Variants in UGT1A6 observed in about 807,000 individuals in gnomAD.
The protein encoded by UGT1A6 is UDP glucuronosyltransferase family 1 member A6.
In UGT1A6, 32 loss-of-function variants were observed where a neutral mutation model predicts 44.4. The observed-to-expected ratio is 0.72, with a 90% CI of 0.54 to 0.97. The LOEUF is 0.97. UGT1A6 is among the 50% of genes least tolerant of loss of function. The pLI is 0.00. For missense variants in UGT1A6, 685 were observed against 661.9 expected (o/e 1.03, Z -0.38); for synonymous variants, 238 against 248.5 (o/e 0.96, Z 0.40).
upstream of UGT1A6, chr2:233,692,731 C>A: frequency 1.1e-6 from 1 of 943,774 alleles, no homozygotes; most frequent in Non-Finnish European, 1.4e-6. Context: ...TATAACTTTT[C>A]AGAGAGGGAG....
intron 1 of UGT1A6, among the ~76,000 whole-genome samples, chr2:233,695,107 C>T (rs941691893): frequency 3.3e-5 from 5 of 150,048 alleles, no homozygotes; most frequent in African/African-American, 1.2e-4. Flanking sequence ...GTTTTTGTGC[C>T]CATTAACCAA....
chr2:233,736,156 G>A (rs1226019844), intron 1 of UGT1A6, among the ~76,000 whole-genome samples: 4 of 152,192 alleles, frequency 2.6e-5, no homozygotes, highest in East Asian at 1.9e-4. Context: ...CCAGTCAAAC[G>A]TAGATTTGGT....
intron 1 of UGT1A6, among the ~76,000 whole-genome samples, chr2:233,696,822 T>C (rs527873839): frequency 1.6e-4 from 24 of 152,304 alleles, no homozygotes; most frequent in African/African-American, 5.8e-4. Context: ...TTATTGAGAG[T>C]GTGTATCATA....
chr2:233,717,184 T>G (rs1236730642), intron 1 of UGT1A6, among the ~76,000 whole-genome samples: 1 of 152,144 alleles, frequency 6.6e-6, no homozygotes. Context: ...AAGAGCACCC[T>G]CCCAGGCATG....
intron 1 of UGT1A6, among the ~76,000 whole-genome samples, chr2:233,711,944 G>A (rs1242729453): frequency 1.3e-5 from 2 of 152,214 alleles, no homozygotes; most frequent in East Asian, 1.9e-4. Flanking sequence ...AAAGGCACAC[G>A]TTTAATTCTC....
At chr2:233,740,156 C>A (rs578012287) in intron 1 of UGT1A6, among the ~76,000 whole-genome samples, 33 of 151,986 alleles carry the variant, frequency 2.2e-4, no homozygotes, top group Non-Finnish European at 3.7e-4. Flanking sequence ...GAGGCCTCCC[C>A]AGTCATGTGG....
rs1377408060 is a variant in UGT1A6, at chr2:233,769,430, CTCA to C, written c.1301+993_1301+995del. Reference sequence around the variant, plus strand: ...GTGTGCGTTTGTGCATGTGGCTGTGCTCATGTGTGGGTGCACACGTGTGCATTC... The same window carrying C: ...GTGTGCGTTTGTGCATGTGGCTGTGCTGTGTGGGTGCACACGTGTGCATTC... On this transcript the variant is annotated intron_variant, in intron 4 of 4. Transcript: ENST00000305139. This position sits in a 1 kb window ranked among gnomAD's most constrained non-coding sequence, Gnocchi z 4.4. 42 of 1,537,292 alleles carry C rather than the reference CTCA, an allele frequency of 2.7e-5. No homozygotes were observed. The highest frequency in any genetic ancestry group is 3.7e-5 in the Non-Finnish European group (41 of 1,118,590).
rs949471199 is a variant in UGT1A6, at chr2:233,747,414, C to T, written c.862-19620C>T. Reference sequence around the variant, plus strand: ...GGTCCTCACCCCAGAGGTGAATATGCACATCAAACAAGAGAAATTTTTCAC... The same window carrying T: ...GGTCCTCACCCCAGAGGTGAATATGTACATCAAACAAGAGAAATTTTTCAC... On this transcript the variant is annotated intron_variant, in intron 1 of 4. Transcript: ENST00000305139. 5.6e-6 allele frequency: 9 copies of T among 1,606,904 alleles called. No individual in the cohort carries two copies. In the Admixed American group the frequency reaches 6.7e-5, roughly 12 times the overall value.
chr2:233,772,615 T>C lies in UGT1A6; in HGVS notation c.*56T>C. ...AACCATTCCCTAGTCATTTCCAAAC[T>C]TGAAAACAGAATCAGTGTTAAATTC... On this transcript the variant is annotated 3_prime_UTR_variant, in exon 5 of 5. Coordinates refer to ENST00000305139, the MANE Select transcript of UGT1A6 (RefSeq NM_001072.4). 6.3e-7 allele frequency: 1 copy of C among 1,574,876 alleles called. No individual in the cohort carries two copies. The highest frequency in any genetic ancestry group is 8.6e-7 in the Non-Finnish European group (1 of 1,159,332).
At chr2:233,747,568 A>G in intron 1 of UGT1A6, 5 of 1,592,710 alleles carry the variant, frequency 3.1e-6, no homozygotes, top group Non-Finnish European at 3.4e-6. Flanking sequence ...ATTTTGAAAA[A>G]TTCATCTTTG....
chr2:233,770,652 C>T (rs985386042), intron 4 of UGT1A6: 7 of 150,004 alleles, frequency 4.7e-5, no homozygotes, highest in Non-Finnish European at 1.0e-4. Context: ...AGTGAGACTC[C>T]GTCTTACTTA....
rs78297396 is a variant in UGT1A6, at chr2:233,715,433, T to C, written c.861+21568T>C. 9.7e-3 allele frequency among the ~76,000 whole-genome samples: 1,478 copies of C among 152,296 alleles called. 34 individuals carry two copies. Among genetic ancestry groups the C allele is most frequent in the African/African-American group, 0.033 (1,382 of 41,550 alleles). The stretch of plus-strand genomic sequence containing the variant: ...AATACATTTTATCTGATATCAGTAA[T>C]GTGACTCCTATGTTATTTTTTGAAT... On this transcript the variant is annotated intron_variant, in intron 1 of 4. Coordinates refer to ENST00000305139, the MANE Select transcript of UGT1A6 (RefSeq NM_001072.4).
intron 1 of UGT1A6, chr2:233,747,471 G>T (rs1218539477): frequency 6.2e-7 from 1 of 1,608,714 alleles, no homozygotes; most frequent in African/African-American, 1.3e-5. Flanking sequence ...ATGGACCCAG[G>T]ATGAATTTGA....
intron 1 of UGT1A6, among the ~76,000 whole-genome samples, chr2:233,694,903 AC>A (rs1197699388): frequency 6.6e-6 from 1 of 152,248 alleles, no homozygotes; most frequent in Admixed American, 6.5e-5. Context: ...ATATTTTGAT[AC>A]ACGTATACAA....
chr2:233,726,612 G>T (rs540444142), intron 1 of UGT1A6, among the ~76,000 whole-genome samples: 42 of 152,220 alleles, frequency 2.8e-4, no homozygotes, highest in African/African-American at 9.9e-4. Context: ...ACACTGTCCT[G>T]CCCAGATACC....
At chr2:233,701,241 G>A (rs1418250503) in intron 1 of UGT1A6, among the ~76,000 whole-genome samples, 2 of 152,066 alleles carry the variant, frequency 1.3e-5, no homozygotes, top group African/African-American at 4.8e-5. Context: ...ACCCAGTAAT[G>A]AGATGGCTGG....
intron 1 of UGT1A6, chr2:233,741,484 T>C (rs1691677758): frequency 6.6e-6 from 1 of 151,932 alleles, no homozygotes. Flanking sequence ...CCTCGTCTGA[T>C]GTACAAAAAA....
chr2:233,734,912 C>G (rs2078584447), intron 1 of UGT1A6, among the ~76,000 whole-genome samples: 1 of 152,122 alleles, frequency 6.6e-6, no homozygotes, highest in Admixed American at 6.5e-5. Flanking sequence ...TTTACATTTG[C>G]TAAGGAGTGC....
chr2:233,735,217 A>G (rs1317592719), intron 1 of UGT1A6, among the ~76,000 whole-genome samples: 1 of 152,114 alleles, frequency 6.6e-6, no homozygotes, highest in African/African-American at 2.4e-5. Context: ...GTGCATATAT[A>G]TTTAGGATAG....
Sources: allele counts gnomAD v4.1 joint callset (sites outside exome capture counted in the v4.1 genomes callset), GRCh38; gene constraint gnomAD v4.1.1; non-coding constraint Gnocchi (gnomAD v3.1); transcripts MANE v1.5; gene names NCBI Gene and HGNC (gene_info 2026-07-23, HGNC 2026-07-21).